Variants in NCKAP5 observed in about 807,000 individuals in gnomAD.
The protein encoded by NCKAP5 is NCK associated protein 5.
In NCKAP5, 92 loss-of-function variants were observed where a neutral mutation model predicts 167.0. That is an observed-to-expected ratio of 0.55 (90% confidence interval 0.47 to 0.66). The LOEUF (loss-of-function observed/expected upper bound fraction) is 0.66. Among genes scored for constraint, NCKAP5 ranks in the 30% least tolerant of loss-of-function variants. The pLI is 0.00. For missense variants in NCKAP5, 2,378 were observed against 2,315.0 expected (o/e 1.03, Z -0.56); for synonymous variants, 891 against 877.4 (o/e 1.02, Z -0.27).
intron 11 of NCKAP5, among the ~76,000 whole-genome samples, chr2:132,810,207 T>C (rs545915422): frequency 1.4e-4 from 21 of 152,074 alleles, no homozygotes; most frequent in Non-Finnish European, 3.1e-4. Context: ...CTTAGGATTC[T>C]TACCTTCATC....
At chr2:133,094,310 C>T (rs181641710) in intron 6 of NCKAP5, among the ~76,000 whole-genome samples, 55 of 152,272 alleles carry the variant, frequency 3.6e-4, no homozygotes, top group Admixed American at 1.1e-3. Flanking sequence ...TACACAGAAT[C>T]AGGGAGCCGG....
chr2:133,464,916 C>A (rs1485954135), intron 3 of NCKAP5, among the ~76,000 whole-genome samples: 1 of 151,578 alleles, frequency 6.6e-6, no homozygotes, highest in East Asian at 1.9e-4. Context: ...ATGTTTCCAT[C>A]TGTAACTTGG....
At chr2:133,216,367 C>T (rs1195729774) in intron 4 of NCKAP5, among the ~76,000 whole-genome samples, 1 of 151,902 alleles carries the variant, frequency 6.6e-6, no homozygotes, top group Non-Finnish European at 1.5e-5. Flanking sequence ...GATGGAGAGC[C>T]TCAGGAGGAT....
At chr2:133,140,408 C>T (rs2082952694) in intron 5 of NCKAP5, among the ~76,000 whole-genome samples, 2 of 152,260 alleles carry the variant, frequency 1.3e-5, no homozygotes, top group Admixed American at 6.5e-5. Flanking sequence ...CCACAACAAT[C>T]GGTGAACAAC....
chr2:133,318,185 A>G (rs1204418746), intron 3 of NCKAP5, among the ~76,000 whole-genome samples: 1 of 152,184 alleles, frequency 6.6e-6, no homozygotes, highest in Non-Finnish European at 1.5e-5. Context: ...ATTGCCAATC[A>G]TACAGGGAAG....
chr2:133,417,478 G>T (rs1689191626), intron 3 of NCKAP5, among the ~76,000 whole-genome samples: 1 of 152,234 alleles, frequency 6.6e-6, no homozygotes, highest in African/African-American at 2.4e-5. Flanking sequence ...TCTGGCAAGT[G>T]ACCGTGAACT....
chr2:133,298,515 C>T (rs1021437369), intron 4 of NCKAP5, among the ~76,000 whole-genome samples: 4 of 152,046 alleles, frequency 2.6e-5, no homozygotes, highest in Non-Finnish European at 4.4e-5. Flanking sequence ...CTGAGAAGAC[C>T]TAGGTTTTTA....
At chr2:133,565,004 C>T (rs1688443330) in intron 1 of NCKAP5, among the ~76,000 whole-genome samples, 2 of 152,100 alleles carry the variant, frequency 1.3e-5, no homozygotes, top group Non-Finnish European at 2.9e-5. Context: ...CCAATGCGGA[C>T]GGAGTTCCAT....
rs369376292 is a variant in NCKAP5, at chr2:132,790,047, G to T, written c.1068C>A (p.His356Gln). 6.2e-7 allele frequency: 1 copy of T among 1,612,470 alleles called. No individual in the cohort carries two copies. Among genetic ancestry groups the T allele is most frequent in the South Asian group, 1.1e-5 (1 of 90,782 alleles). The change falls in exon 13 of 20, where the codon CAC (histidine) becomes CAA (glutamine). Residue 356 changes from histidine (H) to glutamine (Q), a missense_variant. Physicochemically the swap from His to Gln is conservative, Grantham distance 24 (BLOSUM62 0). Transcript: ENST00000409261. Reference protein sequence around the residue: ...EYSSGSSYTWHDGKNLRKRQS... With the variant: ...EYSSGSSYTWQDGKNLRKRQS... The stretch of plus-strand genomic sequence containing the variant: ...CCCTTTTCCTGAGGTTCTTCCCATC[G>T]TGCCACGTGTAGGAGGAGCCACTGG...
At chr2:133,059,617 A>C (rs1573903161) in intron 6 of NCKAP5, among the ~76,000 whole-genome samples, 1 of 151,960 alleles carries the variant, frequency 6.6e-6, no homozygotes, top group East Asian at 1.9e-4. Context: ...AGGATGCAGT[A>C]AGCTGCAATC....
At chr2:132,679,353 C>CA (rs1259180266) in intron 19 of NCKAP5, among the ~76,000 whole-genome samples, 2 of 152,120 alleles carry the variant, frequency 1.3e-5, no homozygotes, top group African/African-American at 4.8e-5. Context: ...GTCAGTCCCT[C>CA]ATTCCCTGGG....
chr2:133,394,712 C>T (rs1302451768), intron 3 of NCKAP5, among the ~76,000 whole-genome samples: 1 of 152,062 alleles, frequency 6.6e-6, no homozygotes, highest in Non-Finnish European at 1.5e-5. Flanking sequence ...TCAAAAAACA[C>T]AGAACACCAA....
intron 3 of NCKAP5, among the ~76,000 whole-genome samples, chr2:133,423,946 GC>G (rs1344679592): frequency 6.6e-6 from 1 of 152,190 alleles, no homozygotes; most frequent in Non-Finnish European, 1.5e-5. Flanking sequence ...AAGTTCTAAA[GC>G]AAGACTAATT....
chr2:132,776,689 T>C (rs565003538), intron 15 of NCKAP5, among the ~76,000 whole-genome samples: 1 of 152,186 alleles, frequency 6.6e-6, no homozygotes, highest in East Asian at 1.9e-4. Context: ...TGCAAAGTGG[T>C]GAGTAATTAA....
chr2:133,518,504 G>A (rs2104757510), intron 2 of NCKAP5, among the ~76,000 whole-genome samples: 1 of 147,244 alleles, frequency 6.8e-6, no homozygotes, highest in South Asian at 2.1e-4. Context: ...ACAGGCGCCT[G>A]CCACCATGCC....
chr2:133,413,046 A>T (rs372358290), intron 3 of NCKAP5, among the ~76,000 whole-genome samples: 1 of 152,222 alleles, frequency 6.6e-6, no homozygotes, highest in East Asian at 1.9e-4. Context: ...CAAAGCCTGC[A>T]GGTCTGGCCT....
Position 133,141,029 on chromosome 2 carries a change from AC to A in NCKAP5, c.208-10919del, listed in dbSNP as rs1349871706. ...GTTAAGCTCCACATGAATCCTCTTG[AC>A]CCCCCACGACCTTAGTGGGCAGCTA... On this transcript the variant is annotated intron_variant, in intron 5 of 19. Transcript: ENST00000409261. Among the ~76,000 whole-genome samples the A allele has an allele frequency of 3.3e-5, 5 of 151,652 alleles. 1 individual carries two copies. The East Asian group carries it at 7.8e-4, about 24-fold the overall frequency.
intron 6 of NCKAP5, among the ~76,000 whole-genome samples, chr2:133,084,694 T>A (rs1413798073): frequency 1.3e-5 from 2 of 152,158 alleles, no homozygotes; most frequent in African/African-American, 4.8e-5. Context: ...ACTTCATACA[T>A]CAAGCTTTCC....
chr2:133,261,777 G>C (rs2088920087), intron 4 of NCKAP5, among the ~76,000 whole-genome samples: 1 of 152,176 alleles, frequency 6.6e-6, no homozygotes, highest in African/African-American at 2.4e-5. Context: ...CTTGCGGAGG[G>C]CCACACTCCC....
Sources: allele counts gnomAD v4.1 joint callset (sites outside exome capture counted in the v4.1 genomes callset), GRCh38; gene constraint gnomAD v4.1.1; transcripts MANE v1.5; gene names NCBI Gene and HGNC (gene_info 2026-07-23, HGNC 2026-07-21).